Variants in LRRC4C observed in about 807,000 individuals in gnomAD.
The protein encoded by LRRC4C is leucine-rich repeat-containing protein 4C.
Under a neutral mutation model 33.6 loss-of-function variants are expected in LRRC4C, and 5 were observed. That is an observed-to-expected ratio of 0.15 (90% CI 0.08 to 0.31). LRRC4C has a LOEUF of 0.31. Among genes scored for constraint, LRRC4C ranks in the 10% least tolerant of loss-of-function variants. The pLI, the probability that LRRC4C is intolerant of heterozygous loss-of-function variation, is 1.00. For missense variants in LRRC4C, 560 were observed against 796.7 expected, an observed-to-expected ratio of 0.70 and a Z score of 3.58; for synonymous variants, 329 against 302.0, an observed-to-expected ratio of 1.09 and a Z score of -0.93.
At chr11:41,214,713 G>A (rs1590954930) in intron 1 of LRRC4C, among the ~76,000 whole-genome samples, 1 of 147,756 alleles carries the variant, frequency 6.8e-6, no homozygotes, top group African/African-American at 2.5e-5. Flanking sequence ...TCACGCCACT[G>A]CACTCCAGCC....
At chr11:40,614,551 T>A (rs1296842424) in intron 3 of LRRC4C, among the ~76,000 whole-genome samples, 1 of 140,234 alleles carries the variant, frequency 7.1e-6, no homozygotes, top group Non-Finnish European at 1.6e-5. Flanking sequence ...GTAGTACTTG[T>A]AATTTTCTTC....
At chr11:40,915,091 A>C (rs1353731403) in intron 2 of LRRC4C, among the ~76,000 whole-genome samples, 1 of 152,180 alleles carries the variant, frequency 6.6e-6, no homozygotes, top group Non-Finnish European at 1.5e-5. Flanking sequence ...GGGTAGGAAG[A>C]ATCAATATCG....
At chr11:40,387,700 A>T (rs1209371802) in intron 3 of LRRC4C, among the ~76,000 whole-genome samples, 2 of 152,174 alleles carry the variant, frequency 1.3e-5, no homozygotes, top group Non-Finnish European at 2.9e-5. Flanking sequence ...ACATGTCAGA[A>T]AAGGATAGTG....
intron 1 of LRRC4C, among the ~76,000 whole-genome samples, chr11:41,283,355 G>A: frequency 6.6e-6 from 1 of 152,004 alleles, no homozygotes; most frequent in East Asian, 1.9e-4. Flanking sequence ...TATTTGAAAC[G>A]ACCTAAATAT....
intron 1 of LRRC4C, among the ~76,000 whole-genome samples, chr11:41,189,193 T>C (rs1945836981): frequency 6.6e-6 from 1 of 152,108 alleles, no homozygotes; most frequent in Non-Finnish European, 1.5e-5. Flanking sequence ...TGTATTCTAC[T>C]GAGAGATAAA....
chr11:40,879,562 A>G (rs540000772), intron 2 of LRRC4C, among the ~76,000 whole-genome samples: 1 of 152,176 alleles, frequency 6.6e-6, no homozygotes, highest in South Asian at 2.1e-4. Context: ...AAGGAGACCT[A>G]CAAACAAGTA....
In LRRC4C at chr11:40,623,260, CA is replaced by C. The variant is rs565846175; in HGVS notation, c.-270+24881del. Reference sequence around the variant, plus strand: ...TTATGCTGCAATATTTATTTAACCTCAAAAACCTTTTTTAAAAAAATTACTG... The same window carrying C: ...TTATGCTGCAATATTTATTTAACCTCAAAACCTTTTTTAAAAAAATTACTG... On this transcript the variant is annotated intron_variant, in intron 3 of 6. Coordinates refer to ENST00000528697, the MANE Select transcript of LRRC4C (RefSeq NM_001258419.2). Among the ~76,000 whole-genome samples the C allele has an allele frequency of 1.4e-3, 219 of 151,796 alleles. 1 individual carries two copies. Among genetic ancestry groups the C allele is most frequent in the African/African-American group, 5.1e-3 (213 of 41,436 alleles).
chr11:40,253,857 T>C (rs1051736546), intron 4 of LRRC4C, among the ~76,000 whole-genome samples: 1 of 152,216 alleles, frequency 6.6e-6, no homozygotes, highest in African/African-American at 2.4e-5. Flanking sequence ...GAGTTAATAG[T>C]TATAAAGTGC....
rs372990313 is a variant in LRRC4C at position 41,453,660 on chromosome 11, ATG to A, written c.-496+5769_-496+5770del. On this transcript the variant is annotated intron_variant, in intron 1 of 6. Transcript: ENST00000528697. ...ATGTTACCTTGCTTATTTTGTGTGT[ATG>A]TGTGTGTGTGTGTGTATGTGTGTTT... 5.3e-5 allele frequency among the ~76,000 whole-genome samples: 8 copies of A among 150,054 alleles called. 1 individual carries two copies. Among genetic ancestry groups the A allele is most frequent in the South Asian group, 4.2e-4 (2 of 4,742 alleles).
chr11:40,554,447 TCTTTTGGTTCC>T (rs368595012), intron 3 of LRRC4C, among the ~76,000 whole-genome samples: 393 of 152,322 alleles, frequency 2.6e-3, no homozygotes, highest in African/African-American at 8.9e-3. Flanking sequence ...ATTTGGACTC[TCTTTTGGTTCC>T]CTATGAATTT....
rs554095937 is a variant in LRRC4C at position 40,652,075 on chromosome 11, G to C, written c.-406-3797C>G. Among the ~76,000 whole-genome samples, 3 of 152,240 alleles carry C rather than the reference G, an allele frequency of 2.0e-5. No homozygotes were observed. In the East Asian group the frequency reaches 5.8e-4, roughly 29 times the overall value. ...AATATTTTACAGAAAAGGCTTAGCAGGGTCTCATTACTTTCCTGAAAGCCA... is the reference window on the plus strand; with the variant it reads ...AATATTTTACAGAAAAGGCTTAGCACGGTCTCATTACTTTCCTGAAAGCCA... On this transcript the variant is annotated intron_variant, in intron 2 of 6. Transcript: ENST00000528697.
intron 1 of LRRC4C, among the ~76,000 whole-genome samples, chr11:41,314,842 A>G (rs765666552): frequency 6.6e-6 from 1 of 152,188 alleles, no homozygotes; most frequent in Non-Finnish European, 1.5e-5. Flanking sequence ...CAGCTACAGT[A>G]TAAACCTAGC....
intron 3 of LRRC4C, among the ~76,000 whole-genome samples, chr11:40,485,914 G>C (rs1265840366): frequency 2.0e-5 from 3 of 151,970 alleles, no homozygotes; most frequent in Non-Finnish European, 2.9e-5. Context: ...AATACTGCAT[G>C]TTCTCACTTA....
At chr11:41,389,732 T>C (rs1019826786) in intron 1 of LRRC4C, among the ~76,000 whole-genome samples, 5 of 150,274 alleles carry the variant, frequency 3.3e-5, no homozygotes, top group Non-Finnish European at 3.0e-5. Flanking sequence ...TGGACCAGAC[T>C]GCTGGCCAGT....
chr11:41,261,799 T>C (rs74529205), intron 1 of LRRC4C, among the ~76,000 whole-genome samples: 1,647 of 152,260 alleles, frequency 0.011, 22 homozygotes, highest in African/African-American at 0.037. Flanking sequence ...CAGCTGGTTC[T>C]GCAGTGGAGA....
At chr11:40,974,937 C>G (rs993307804) in intron 1 of LRRC4C, among the ~76,000 whole-genome samples, 1 of 152,144 alleles carries the variant, frequency 6.6e-6, no homozygotes, top group African/African-American at 2.4e-5. Context: ...AGCCTTTTCC[C>G]TCAGACTGAG....
chr11:40,141,183 T>C (rs1006810873), intron 5 of LRRC4C, among the ~76,000 whole-genome samples: 33 of 152,066 alleles, frequency 2.2e-4, no homozygotes, highest in Non-Finnish European at 5.9e-5. Context: ...TAAGATTAAA[T>C]TGGATAATGC....
intron 3 of LRRC4C, among the ~76,000 whole-genome samples, chr11:40,571,995 A>G (rs1475945969): frequency 6.6e-6 from 1 of 151,280 alleles, no homozygotes; most frequent in Admixed American, 6.6e-5. Context: ...AACTCCTTCC[A>G]AAGAATATTA....
At chr11:40,284,931 G>A (rs1377104) in intron 4 of LRRC4C, among the ~76,000 whole-genome samples, 80,053 of 151,752 alleles carry the variant, frequency 0.53, 21,424 homozygotes, top group East Asian at 0.73. Flanking sequence ...CGATCTTGCT[G>A]GCAATGGACA....
Sources: allele counts gnomAD v4.1 joint callset (sites outside exome capture counted in the v4.1 genomes callset), GRCh38; gene constraint gnomAD v4.1.1; transcripts MANE v1.5; gene names NCBI Gene and HGNC (gene_info 2026-07-23, HGNC 2026-07-21).